ANXA11: variants seen among roughly 807,000 people sequenced by gnomAD.
ANXA11 encodes 56 kDa autoantigen.
In ANXA11, 57 loss-of-function variants were observed where a neutral mutation model predicts 64.7. That is an observed-to-expected ratio of 0.88 (90% CI 0.71 to 1.10). ANXA11 has a LOEUF of 1.10. Among genes scored for constraint, ANXA11 ranks in the 50% least tolerant of loss-of-function variants. The probability of loss-of-function intolerance (pLI) is 0.00; values close to 1 mark genes in which losing one functional copy is unlikely to be tolerated. For synonymous variants in ANXA11, 260 were observed against 265.2 expected, an observed-to-expected ratio of 0.98 and a Z score of 0.19; for missense variants, 675 against 670.7, an observed-to-expected ratio of 1.01 and a Z score of -0.07.
intron 12 of ANXA11, among the ~76,000 whole-genome samples, chr10:80,161,400 C>A (rs1845497580): frequency 6.6e-6 from 1 of 152,216 alleles, no homozygotes; most frequent in African/African-American, 2.4e-5. Flanking sequence ...CTTGATTTTC[C>A]TCTACAGGAT....
chr10:80,186,704 T>C (rs1589444129), intron 1 of ANXA11, among the ~76,000 whole-genome samples: 1 of 150,684 alleles, frequency 6.6e-6, no homozygotes, highest in African/African-American at 2.4e-5. Flanking sequence ...CCATCTTCTC[T>C]CCTCCTGCCT....
In ANXA11 at chr10:80,170,881, A is replaced by C. The variant is rs781559715; in HGVS notation, c.90T>G (p.Pro30=). 5.7e-6 allele frequency: 9 copies of C among 1,570,524 alleles called. No individual in the cohort carries two copies. Among genetic ancestry groups the C allele is most frequent in the Non-Finnish European group, 8.6e-7 (1 of 1,159,862 alleles). ...GGPWGGAAYP[P]PPSMPPIGLD... is the part of the protein sequence containing the mutation. ...GCCCGATGGGGGGCATGCTGGGCGG[A>C]GGAGGGTAGGCAGCACCTCCCCAGG... The change falls in exon 4 of 16, where the codon CCT becomes CCG. Residue 30 remains proline, a synonymous_variant. Transcript: ENST00000422982.
At chr10:80,194,847 C>T (rs1846918577) in intron 1 of ANXA11, among the ~76,000 whole-genome samples, 1 of 152,182 alleles carries the variant, frequency 6.6e-6, no homozygotes, top group Non-Finnish European at 1.5e-5. Flanking sequence ...CATATTTCTG[C>T]ATGGTGACAC....
intron 3 of ANXA11, chr10:80,171,235 G>A (rs1173412668): frequency 6.5e-6 from 8 of 1,221,998 alleles, no homozygotes; most frequent in Non-Finnish European, 7.2e-6. Flanking sequence ...CATGGAGCAG[G>A]AGGACAGACA....
intron 5 of ANXA11, among the ~76,000 whole-genome samples, chr10:80,168,123 T>C (rs1845819335): frequency 7.2e-6 from 1 of 139,734 alleles, no homozygotes. Flanking sequence ...CACAGAACCA[T>C]GACAACGAAT....
At chr10:80,159,868 C>T (rs1845435617) in intron 12 of ANXA11, among the ~76,000 whole-genome samples, 1 of 152,232 alleles carries the variant, frequency 6.6e-6, no homozygotes. Context: ...CCAGTCTCTG[C>T]CATTCCTTGG....
chr10:80,167,993 G>A (rs1845814044), intron 5 of ANXA11, among the ~76,000 whole-genome samples: 1 of 152,160 alleles, frequency 6.6e-6, no homozygotes, highest in Non-Finnish European at 1.5e-5. Context: ...AGGGAGGGAG[G>A]CTGGAGGATG....
chr10:80,158,978 CG>C (rs1302925494), intron 13 of ANXA11, 121 bp downstream of exon 13: 3 of 736,368 alleles, frequency 4.1e-6, no homozygotes, highest in Non-Finnish European at 7.1e-6. Flanking sequence ...CTGGGCTGAG[CG>C]ATCTTGGATC....
chr10:80,164,875 C>T (rs1448486235), intron 8 of ANXA11, among the ~76,000 whole-genome samples: 3 of 152,226 alleles, frequency 2.0e-5, no homozygotes, highest in Non-Finnish European at 4.4e-5. Context: ...GCAGGACGTG[C>T]GACATTGTGT....
chr10:80,202,207 G>GA (rs1840463930), intron 1 of ANXA11, among the ~76,000 whole-genome samples: 1 of 151,440 alleles, frequency 6.6e-6, no homozygotes, highest in South Asian at 2.1e-4. Context: ...GGGGGGAAGC[G>GA]GGGGGTCTCT....
intron 12 of ANXA11, among the ~76,000 whole-genome samples, chr10:80,159,982 G>C (rs80215919): frequency 6.6e-6 from 1 of 152,132 alleles, no homozygotes; most frequent in African/African-American, 2.4e-5. Flanking sequence ...CCTAGGACAC[G>C]CTAAGCACCC....
At position 80,166,102 on chromosome 10, in the gene ANXA11, C is replaced by T. The variant is rs1292930558; in HGVS notation, c.840G>A (p.Glu280=). The T allele has an allele frequency of 6.2e-7, 1 of 1,605,242 alleles. No individual in the cohort carries two copies. Among genetic ancestry groups the T allele is most frequent in the South Asian group, 1.1e-5 (1 of 90,608 alleles). ...TACACACCTTGATGGCTTCCTTTAT[C>T]TCATAAATGTCAAAGAGGACTGGGG... ...MKTPVLFDIY[E]IKEAIKGVGT... The change falls in exon 8 of 16, where the codon GAG becomes GAA. Residue 280 remains glutamate (E), a synonymous_variant. Coordinates refer to ENST00000422982, the MANE Select transcript of ANXA11 (RefSeq NM_145868.2).
rs750209333 is a variant in ANXA11 at position 80,157,695 on chromosome 10, G to A, written c.1404C>T (p.Asp468=). ...MVSRSETDLL[D]IRSEYKRMYG... ...ACATCCGCTTATACTCTGATCTGAT[G>A]TCCAGGAGGTCGGTCTCGCTGCGAG... is the stretch of plus-strand genomic sequence containing the variant. The change falls in exon 15 of 16, where the codon GAC becomes GAT. Residue 468 remains aspartate, a synonymous_variant. Coordinates refer to ENST00000422982, the MANE Select transcript of ANXA11 (RefSeq NM_145868.2). 4 of 1,614,016 alleles carry A rather than the reference G, an allele frequency of 2.5e-6. No individual in the cohort carries two copies. Among genetic ancestry groups the A allele is most frequent in the Middle Eastern group, 1.6e-4 (1 of 6,062 alleles).
At chr10:80,168,013 G>A (rs903369391) in intron 5 of ANXA11, among the ~76,000 whole-genome samples, 1 of 152,126 alleles carries the variant, frequency 6.6e-6, no homozygotes, top group Non-Finnish European at 1.5e-5. Flanking sequence ...GGCACAGGGT[G>A]GGGGAACGTG....
chr10:80,186,453 A>G (rs1280878069), intron 1 of ANXA11, among the ~76,000 whole-genome samples: 1 of 152,092 alleles, frequency 6.6e-6, no homozygotes, highest in Admixed American at 6.6e-5. Context: ...TTTTCTTTCC[A>G]TCCCCTCCAC....
chr10:80,184,283 T>G (rs2132461382), intron 1 of ANXA11, among the ~76,000 whole-genome samples: 1 of 152,310 alleles, frequency 6.6e-6, no homozygotes, highest in Middle Eastern at 3.4e-3. Flanking sequence ...TACATCCAAA[T>G]AAAGCCATCA....
At chr10:80,191,691 A>C (rs1846783055) in intron 1 of ANXA11, among the ~76,000 whole-genome samples, 1 of 152,156 alleles carries the variant, frequency 6.6e-6, no homozygotes, top group African/African-American at 2.4e-5. Context: ...TGAATTACCA[A>C]TCAACATGAG....
intron 1 of ANXA11, among the ~76,000 whole-genome samples, chr10:80,183,083 C>T (rs1846413776): frequency 6.6e-6 from 1 of 152,184 alleles, no homozygotes; most frequent in Non-Finnish European, 1.5e-5. Context: ...ACTTACTTAG[C>T]CCTGAGCTGA....
intron 1 of ANXA11, among the ~76,000 whole-genome samples, chr10:80,204,271 A>T (rs1840573534): frequency 6.6e-6 from 1 of 152,272 alleles, no homozygotes; most frequent in Non-Finnish European, 1.5e-5. Context: ...ACCTTGCAGC[A>T]CAAAGAATGC....
Sources: allele counts gnomAD v4.1 joint callset (sites outside exome capture counted in the v4.1 genomes callset), GRCh38; gene constraint gnomAD v4.1.1; transcripts MANE v1.5; gene names NCBI Gene and HGNC (gene_info 2026-07-23, HGNC 2026-07-21).